The following CUX1 variants were observed in gnomAD, a reference collection of about 807,000 sequenced individuals.
CUX1 encodes cut like homeobox 1.
Under a neutral mutation model 158.8 loss-of-function variants are expected in CUX1, and 31 were observed. The observed-to-expected ratio is 0.20, with a 90% CI of 0.15 to 0.26. The LOEUF is 0.26. Ranked by LOEUF, CUX1 falls within the 10% of genes least tolerant of loss-of-function variation. The pLI is 1.00. For synonymous variants in CUX1, 879 were observed against 862.1 expected (o/e 1.02, Z -0.34); for missense variants, 1,589 against 2,014.6 (o/e 0.79, Z 4.04).
intron 2 of CUX1, among the ~76,000 whole-genome samples, chr7:102,003,669 T>C (rs1816985576): frequency 6.6e-6 from 1 of 152,180 alleles, no homozygotes; most frequent in South Asian, 2.1e-4. Flanking sequence ...TTCTCATCCC[T>C]GGAATGGGGT....
chr7:102,021,614 CTTTTTTTTTTTTTTT>C (rs67147187), intron 2 of CUX1, among the ~76,000 whole-genome samples: 1 of 109,342 alleles, frequency 9.1e-6, no homozygotes. Flanking sequence ...TTTTTTTTCT[CTTTTTTTTTTTTTTT>C]TTTTTTTGGA....
At position 102,253,236 on chromosome 7, in the gene CUX1, T is replaced by C. The variant is rs1238734898; in HGVS notation, c.*4194T>C. 3.7e-5 allele frequency: 36 copies of C among 985,412 alleles called. No individual in the cohort carries two copies. The highest frequency in any genetic ancestry group is 9.4e-5 in the South Asian group (2 of 21,292). The allele number at this position is 985,412 out of a possible 1,614,324, so 61.0% of individuals were successfully genotyped here. A position where few individuals can be genotyped will look rare whatever the true frequency, so the allele number is the denominator to read the frequency against. On this transcript the variant is annotated 3_prime_UTR_variant, in exon 24 of 24. Coordinates refer to ENST00000292535, the MANE Select transcript of CUX1 (RefSeq NM_181552.4). ...AGCAGAGCTCTGGGTTAAATATTCC[T>C]TTCTGGCCACCGCCCAAGCCCAGGT...
At chr7:101,967,311 G>A (rs376315275) in intron 2 of CUX1, among the ~76,000 whole-genome samples, 5 of 152,278 alleles carry the variant, frequency 3.3e-5, no homozygotes, top group South Asian at 4.1e-4. Flanking sequence ...CACCGCGCCC[G>A]GCCAGAAATC....
At chr7:102,104,658 G>A (rs1274306381) in intron 6 of CUX1, among the ~76,000 whole-genome samples, 199 bp downstream of exon 6, 3 of 152,142 alleles carry the variant, frequency 2.0e-5, no homozygotes, top group Non-Finnish European at 4.4e-5. Context: ...TTGGGAGGCC[G>A]AGGTGGGTGG....
intron 2 of CUX1, among the ~76,000 whole-genome samples, chr7:102,001,748 G>T (rs1282729232): frequency 6.6e-6 from 1 of 152,190 alleles, no homozygotes. Flanking sequence ...GCACATGCAG[G>T]ACACACAACA....
intron 12 of CUX1, among the ~76,000 whole-genome samples, chr7:102,190,574 G>C (rs1196625973): frequency 1.3e-5 from 2 of 152,178 alleles, no homozygotes; most frequent in African/African-American, 4.8e-5. Flanking sequence ...TGGATCGTCA[G>C]CCATTCCAAG....
intron 2 of CUX1, among the ~76,000 whole-genome samples, chr7:101,964,037 T>G (rs530851659): frequency 6.6e-6 from 1 of 152,240 alleles, no homozygotes; most frequent in South Asian, 2.1e-4. Flanking sequence ...TCGGGTGTTC[T>G]TGTCAAAGGC....
intron 4 of CUX1, 65 bp from the exon 5 acceptor site, chr7:102,097,299 G>A: frequency 6.5e-7 from 1 of 1,544,536 alleles, no homozygotes; most frequent in Non-Finnish European, 8.7e-7. Context: ...CTGAGCCTGT[G>A]TACCGCCGTG....
At position 102,095,075 on chromosome 7, in the gene CUX1, A is replaced by G. The variant is rs141585982; in HGVS notation, c.269-2289A>G. Among the ~76,000 whole-genome samples the G allele has an allele frequency of 1.3e-3, 194 of 151,970 alleles. 1 individual carries two copies. Among genetic ancestry groups the G allele is most frequent in the African/African-American group, 4.6e-3 (190 of 41,452 alleles). ...AGTGCAGTGGCTCAATCACAGCTCAATGCAACCTCGACCTCAAGGGCTCAA... is the reference window on the plus strand; with the variant it reads ...AGTGCAGTGGCTCAATCACAGCTCAGTGCAACCTCGACCTCAAGGGCTCAA... On this transcript the variant is annotated intron_variant, in intron 4 of 23. Coordinates refer to ENST00000292535, the MANE Select transcript of CUX1 (RefSeq NM_181552.4).
At chr7:102,157,038 G>A (rs993766516) in intron 8 of CUX1, among the ~76,000 whole-genome samples, 2 of 152,256 alleles carry the variant, frequency 1.3e-5, no homozygotes, top group Non-Finnish European at 2.9e-5. Flanking sequence ...AAGGCATTCA[G>A]GCAGGCGGCG....
intron 1 of CUX1, among the ~76,000 whole-genome samples, chr7:101,842,624 G>A (rs1795287050): frequency 6.6e-6 from 1 of 152,098 alleles, no homozygotes; most frequent in Non-Finnish European, 1.5e-5. Context: ...GGACTCAAGT[G>A]ATCCTCTTGC....
intron 14 of CUX1, among the ~76,000 whole-genome samples, chr7:102,269,740 T>G (rs1791080671): frequency 6.6e-6 from 1 of 152,166 alleles, no homozygotes; most frequent in Admixed American, 6.5e-5. Flanking sequence ...TCTTAACTCA[T>G]TACAGCATTT....
chr7:102,260,570 CTTTTTTTTTT>C (rs55642237), downstream of CUX1, among the ~76,000 whole-genome samples: 2 of 51,052 alleles, frequency 3.9e-5, no homozygotes, highest in East Asian at 8.5e-4. Flanking sequence ...CCACACCTGG[CTTTTTTTTTT>C]TTTTTTTTTT....
chr7:102,145,313 T>C (rs1834915502), intron 8 of CUX1, among the ~76,000 whole-genome samples: 1 of 152,006 alleles, frequency 6.6e-6, no homozygotes, highest in African/African-American at 2.4e-5. Context: ...TAGTTTATCA[T>C]GCTCCTCTGT....
intron 2 of CUX1, among the ~76,000 whole-genome samples, chr7:101,957,809 A>T (rs1809953868): frequency 6.6e-6 from 1 of 152,222 alleles, no homozygotes; most frequent in African/African-American, 2.4e-5. Flanking sequence ...AGTCTGCAAA[A>T]TAGAGTCTTT....
chr7:101,878,578 C>T (rs1359154347), intron 1 of CUX1, among the ~76,000 whole-genome samples: 1 of 152,088 alleles, frequency 6.6e-6, no homozygotes, highest in African/African-American at 2.4e-5. Flanking sequence ...AGTGCAATTT[C>T]CAAGCCTCAA....
intron 1 of CUX1, among the ~76,000 whole-genome samples, chr7:101,845,822 A>C (rs1311697354): frequency 6.6e-6 from 1 of 152,148 alleles, no homozygotes; most frequent in African/African-American, 2.4e-5. Flanking sequence ...CAGCCTGGCC[A>C]ACGTGGTAAA....
intron 9 of CUX1, among the ~76,000 whole-genome samples, chr7:102,165,922 C>CT (rs1554508634): frequency 1.3e-5 from 2 of 152,226 alleles, no homozygotes; most frequent in Admixed American, 6.5e-5. Context: ...TGGCTTGACT[C>CT]TAACAGGAAG....
intron 8 of CUX1, among the ~76,000 whole-genome samples, chr7:102,126,072 G>C (rs1307390981): frequency 6.6e-6 from 1 of 151,928 alleles, no homozygotes; most frequent in Non-Finnish European, 1.5e-5. Context: ...GGAGTACAGT[G>C]GTGCGATCTC....
Sources: gnomAD v4.1 joint callset for allele counts (sites outside exome capture counted in the v4.1 genomes callset) on GRCh38, gnomAD v4.1.1 for gene constraint, MANE v1.5 for transcripts, NCBI Gene and HGNC (gene_info 2026-07-23, HGNC 2026-07-21) for gene names.